Variants in DGAT1 observed in about 807,000 individuals in gnomAD.
DGAT1 encodes ACAT related gene product 1.
DGAT1 carries 60 observed loss-of-function variants against 72.6 expected under a neutral mutation model. The ratio of observed to expected loss-of-function variants is 0.83; its 90% CI spans 0.67 to 1.02. DGAT1 has a LOEUF of 1.02. Ranked by LOEUF, DGAT1 falls within the 50% of genes least tolerant of loss-of-function variation. The pLI is 0.00. For missense variants in DGAT1, 592 were observed against 670.0 expected (o/e 0.88, Z 1.29); for synonymous variants, 290 against 267.5 (o/e 1.08, Z -0.82).
chr8:144,316,997 G>GC, intron 15 of DGAT1, 25 bp downstream of exon 15: 1 of 1,611,310 alleles, frequency 6.2e-7, no homozygotes, highest in Non-Finnish European at 8.5e-7. Flanking sequence ...CAGGGATGAG[G>GC]CAAGATGCCC....
intron 11 of DGAT1, 38 bp downstream of exon 11, chr8:144,317,633 C>T: frequency 6.2e-7 from 1 of 1,613,916 alleles, no homozygotes; most frequent in Non-Finnish European, 8.5e-7. Context: ...TGGTCACTCC[C>T]CAGCCACCCC....
In DGAT1 at chr8:144,316,424, A is replaced by G. The variant is rs1352873925; in HGVS notation, c.*130T>C. The G allele has an allele frequency of 8.4e-7, 1 of 1,183,910 alleles. No individual in the cohort carries two copies. 73.3% of individuals were successfully genotyped at this position (1,183,910 alleles called of 1,614,324 possible). ...AGGACAGAGCCCCATAGGGGCAGAG[A>G]GGCCTCCCTGGGACCAGAGGAGGAT... On this transcript the variant is annotated 3_prime_UTR_variant, in exon 17 of 17. Transcript: ENST00000528718.
chr8:144,317,261 CA>C lies in DGAT1; in HGVS notation c.1095-10del. ...TGACAGACTCGGAGTTCCTGGGGGC[CA>C]AGAGACCACAGGGGGATCAGAGCAC... On this transcript the variant is annotated splice_polypyrimidine_tract_variant and intron_variant, in intron 13 of 16. Transcript: ENST00000528718. The C allele has an allele frequency of 6.2e-7, 1 of 1,610,716 alleles. No homozygotes were observed. The highest frequency in any genetic ancestry group is 1.1e-5 in the South Asian group (1 of 90,964).
chr8:144,317,957 G>A lies in DGAT1; in HGVS notation c.812C>T (p.Pro271Leu), dbSNP rs782804473. ...CAGCAGAAAGCGCTTCCGGATGCGGGGAGAGCGGGGAAAGTTGAGCTCGTA... is the reference window on the plus strand; with the variant it reads ...CAGCAGAAAGCGCTTCCGGATGCGGAGAGAGCGGGGAAAGTTGAGCTCGTA... ...LCYELNFPRS[P>L]RIRKRFLLRR... The change falls in exon 9 of 17, where the codon CCC (proline) becomes CTC (leucine). Residue 271 changes from proline to leucine, a missense_variant. By Grantham distance (98) the Pro-to-Leu change is moderately conservative (BLOSUM62 -3). Transcript: ENST00000528718. 3 of 1,519,158 alleles carry A rather than the reference G, an allele frequency of 2.0e-6. No homozygotes were observed. Among genetic ancestry groups the A allele is most frequent in the Middle Eastern group, 1.8e-4 (1 of 5,624 alleles). The allele number at this position is 1,519,158 out of a possible 1,614,324, so 94.1% of individuals were successfully genotyped here. A position where few individuals can be genotyped will look rare whatever the true frequency, so the allele number is the denominator to read the frequency against.
rs1033501960 is a variant in DGAT1, at chr8:144,315,459, T to C, written c.*1095A>G. ...CCTGTGCAGGGCCTCCTCAAACACC[T>C]GCCTTGTTGGGCCATAGCTGCAGGT... On this transcript the variant is annotated 3_prime_UTR_variant, in exon 17 of 17. Coordinates refer to ENST00000528718, the MANE Select transcript of DGAT1 (RefSeq NM_012079.6). 14 of 985,542 alleles carry C rather than the reference T, an allele frequency of 1.4e-5. No homozygotes were observed. Among genetic ancestry groups the C allele is most frequent in the Non-Finnish European group, 1.6e-5 (13 of 829,992 alleles). 61.0% of individuals were successfully genotyped at this position (985,542 alleles called of 1,614,324 possible).
chr8:144,319,162 CCG>C, intron 2 of DGAT1, 94 bp from the exon 3 acceptor site: 1 of 1,459,146 alleles, frequency 6.9e-7, no homozygotes, highest in Non-Finnish European at 9.4e-7. Context: ...ACGTCCCAGC[CCG>C]AGCTCAGGGC....
rs1229933756 is a variant in DGAT1 at position 144,316,078 on chromosome 8, G to A, written c.*476C>T. The A allele has an allele frequency of 3.2e-6, 1 of 317,360 alleles. No homozygotes were observed. The highest frequency in any genetic ancestry group is 4.7e-6 in the Non-Finnish European group (1 of 214,984). 19.7% of individuals were successfully genotyped at this position (317,360 alleles called of 1,614,324 possible). On this transcript the variant is annotated 3_prime_UTR_variant, in exon 17 of 17. Transcript: ENST00000528718. ...AGCAGGAGTAGCACCAGGAGAGGAC[G>A]CCTGAGCTGAGCTTTTCTAGGTAGG...
Position 144,316,025 on chromosome 8 carries a change from G to A in DGAT1, c.*529C>T, listed in dbSNP as rs370828397. 2.8e-5 allele frequency: 22 copies of A among 778,704 alleles called. No homozygotes were observed. The highest frequency in any genetic ancestry group is 6.5e-4 in the Middle Eastern group (1 of 1,550). The allele number at this position is 778,704 out of a possible 1,614,324, so 48.2% of individuals were successfully genotyped here. On this transcript the variant is annotated 3_prime_UTR_variant, in exon 17 of 17. Transcript: ENST00000528718. ...GTGCAAGTTGACCATCCTGCACTGA[G>A]GGCCAGAGTGCCGATTCCCGCACAC...
intron 5 of DGAT1, 60 bp downstream of exon 5, chr8:144,318,639 C>T: frequency 5.0e-6 from 8 of 1,604,868 alleles, no homozygotes; most frequent in Non-Finnish European, 6.8e-6. Flanking sequence ...TGGGGAGCAG[C>T]TCCTCCCAGG....
At chr8:144,325,938 G>A (rs999032221) in intron 1 of DGAT1, among the ~76,000 whole-genome samples, 1 of 152,080 alleles carries the variant, frequency 6.6e-6, no homozygotes, top group Non-Finnish European at 1.5e-5. Context: ...CTTGTCCGGG[G>A]CAGCTGCTGA....
chr8:144,324,325 G>A (rs532614168), intron 1 of DGAT1, among the ~76,000 whole-genome samples: 3 of 152,290 alleles, frequency 2.0e-5, no homozygotes, highest in African/African-American at 7.2e-5. Context: ...TGGAGGGAGG[G>A]GAGGCTGTGA....
In DGAT1 at chr8:144,317,305, CCCCCAGGGACA is replaced by C. The variant is rs782682584; in HGVS notation, c.1094+17_1094+27del. On this transcript the variant is annotated intron_variant, in intron 13 of 16. Transcript: ENST00000528718. Reference sequence around the variant, plus strand: ...CAGAGCACACCATGGCCCATCCCAGCCCCCAGGGACACCCCAGGGACACTCACCACCAGTCC... The same window carrying C: ...CAGAGCACACCATGGCCCATCCCAGCCCCCAGGGACACTCACCACCAGTCC... 2.0e-4 allele frequency: 330 copies of C among 1,613,014 alleles called. No homozygotes were observed. Among genetic ancestry groups the C allele is most frequent in the African/African-American group, 2.9e-4 (22 of 74,978 alleles).
intron 1 of DGAT1, among the ~76,000 whole-genome samples, chr8:144,323,528 A>G (rs148172026): frequency 0.013 from 2,024 of 152,276 alleles, 40 homozygotes; most frequent in African/African-American, 0.046. Context: ...GGCAGGCTGC[A>G]TGGAACGGCA....
chr8:144,317,110 C>T lies in DGAT1; in HGVS notation c.1161-1G>A. The T allele has an allele frequency of 6.2e-7, 1 of 1,612,968 alleles. No homozygotes were observed. Among genetic ancestry groups the T allele is most frequent in the Non-Finnish European group, 8.5e-7 (1 of 1,179,834 alleles). On this transcript the variant is annotated splice_acceptor_variant, in intron 14 of 16. Transcript: ENST00000528718. LOFTEE classifies it high-confidence loss of function. Reference sequence around the variant, plus strand: ...TCGAAGCATGGGCTTGTAGAAGTGTCTGCAGAGGAGGGGGCATGGAAAGCG... The same window carrying T: ...TCGAAGCATGGGCTTGTAGAAGTGTTTGCAGAGGAGGGGGCATGGAAAGCG...
At position 144,314,604 on chromosome 8, in the gene DGAT1, AT is replaced by A. The variant is rs1817103314; in HGVS notation, c.*1949del. On this transcript the variant is annotated 3_prime_UTR_variant, in exon 17 of 17. Transcript: ENST00000528718. The stretch of plus-strand genomic sequence containing the variant: ...GCAGGTTGTTCATAGTCAGAATTGT[AT>A]TTTGGATTTTTACACAACTGTCCCG... 1.9e-6 allele frequency: 1 copy of A among 521,356 alleles called. No homozygotes were observed. The highest frequency in any genetic ancestry group is 3.5e-6 in the Non-Finnish European group (1 of 288,950). 32.3% of individuals were successfully genotyped at this position (521,356 alleles called of 1,614,324 possible). A position where few individuals can be genotyped will look rare whatever the true frequency, so the allele number is the denominator to read the frequency against.
chr8:144,320,310 G>A (rs1413307422), intron 2 of DGAT1, among the ~76,000 whole-genome samples: 2 of 152,198 alleles, frequency 1.3e-5, no homozygotes, highest in African/African-American at 4.8e-5. Flanking sequence ...GCCCAACCTG[G>A]GCCAGGAATG....
At chr8:144,316,945 G>T in intron 15 of DGAT1, 30 bp from the exon 16 acceptor site, 1 of 1,612,520 alleles carries the variant, frequency 6.2e-7, no homozygotes, top group Non-Finnish European at 8.5e-7. Context: ...GGATGCCAGG[G>T]AGTGGGGTGT....
chr8:144,318,722 G>A lies in DGAT1; in HGVS notation c.445C>T (p.Gln149Ter). Residue 149 changes from glutamine to a stop codon, truncating the protein, a stop_gained, in exon 5 of 17, where the codon CAG (glutamine) becomes TAG (stop). Transcript: ENST00000528718. LOFTEE classifies it high-confidence loss of function. ...ACCACCGCCAGGCGCTTCTCAACCT[G>A]GAATGCAGCCACAGCAAAGACATTG... ...AANVFAVAAF[Q>*]VEKRLAVGAL... 6.2e-7 allele frequency: 1 copy of A among 1,608,496 alleles called. No homozygotes were observed. The highest frequency in any genetic ancestry group is 1.3e-5 in the African/African-American group (1 of 75,022).
Position 144,317,291 on chromosome 8 carries a change from A to G in DGAT1, c.1095-39T>C, listed in dbSNP as rs782003677. ...GACCACAGGGGGATCAGAGCACACC[A>G]TGGCCCATCCCAGCCCCCAGGGACA... On this transcript the variant is annotated intron_variant, in intron 13 of 16. Transcript: ENST00000528718. The G allele has an allele frequency of 3.7e-6, 6 of 1,613,126 alleles. No homozygotes were observed. In the South Asian group the frequency reaches 4.4e-5, roughly 12 times the overall value.
Sources: allele counts gnomAD v4.1 joint callset (sites outside exome capture counted in the v4.1 genomes callset), GRCh38; gene constraint gnomAD v4.1.1; transcripts MANE v1.5; gene names NCBI Gene and HGNC (gene_info 2026-07-23, HGNC 2026-07-21).